The following DLGAP1 variants were observed in gnomAD, a reference collection of about 807,000 sequenced individuals.
DLGAP1 encodes DLG associated protein 1.
A neutral mutation model predicts 90.8 loss-of-function variants in DLGAP1; 11 were observed. The observed-to-expected ratio is 0.12, with a 90% CI of 0.08 to 0.20. The LOEUF (loss-of-function observed/expected upper bound fraction) is 0.20. Ranked by LOEUF, DLGAP1 falls within the 10% of genes least tolerant of loss-of-function variation. DLGAP1 has a pLI of 1.00. For missense variants in DLGAP1, 1,050 were observed against 1,333.8 expected (o/e 0.79, Z 3.31); for synonymous variants, 558 against 540.7 (o/e 1.03, Z -0.44).
Position 4,378,227 on chromosome 18 carries a change from G to A in DLGAP1, c.-267+76779C>T, listed in dbSNP as rs1017728421. On this transcript the variant is annotated intron_variant, in intron 1 of 12. Coordinates refer to ENST00000315677, the MANE Select transcript of DLGAP1 (RefSeq NM_004746.4). The surrounding 1 kb of genome is among the most constrained non-coding windows in gnomAD (Gnocchi z 4.5). ...CTGAATGGGGGAGGTGTGGAATGGG[G>A]AAGCCAGGAAAGAGGTAAGAATAAA... 4.0e-5 allele frequency among the ~76,000 whole-genome samples: 6 copies of A among 151,420 alleles called. No homozygotes were observed. The highest frequency in any genetic ancestry group is 1.3e-4 in the Admixed American group (2 of 15,180).
chr18:3,869,187 A>G (rs1475175073), intron 4 of DLGAP1, among the ~76,000 whole-genome samples: 1 of 151,714 alleles, frequency 6.6e-6, no homozygotes, highest in Non-Finnish European at 1.5e-5. Context: ...GAATACACTA[A>G]AGCTTGAAGA....
chr18:4,308,728 C>T (rs770182483), intron 1 of DLGAP1, among the ~76,000 whole-genome samples: 2 of 152,058 alleles, frequency 1.3e-5, no homozygotes, highest in East Asian at 1.9e-4. Context: ...GAAGAAAAAC[C>T]GGAACAACTT....
chr18:3,841,625 G>A (rs1233163225), intron 4 of DLGAP1, among the ~76,000 whole-genome samples: 3 of 152,122 alleles, frequency 2.0e-5, no homozygotes, highest in Non-Finnish European at 2.9e-5. Flanking sequence ...ATGACAACTT[G>A]AGCCTCAGTT....
chr18:3,695,758 A>C (rs1287104984), intron 7 of DLGAP1, among the ~76,000 whole-genome samples: 1 of 152,180 alleles, frequency 6.6e-6, no homozygotes, highest in Admixed American at 6.5e-5. Context: ...TGGTGGCTTG[A>C]TGGGGATAGC....
At chr18:3,992,213 A>T (rs952390667) in intron 3 of DLGAP1, among the ~76,000 whole-genome samples, 4 of 152,144 alleles carry the variant, frequency 2.6e-5, no homozygotes, top group Non-Finnish European at 5.9e-5. Context: ...GTTTGAAAAG[A>T]TTTCTTGTTT....
At chr18:3,977,763 T>C in intron 3 of DLGAP1, 1 of 360,744 alleles carries the variant, frequency 2.8e-6, no homozygotes, top group Non-Finnish European at 5.3e-6. Flanking sequence ...CCACCCCAGC[T>C]TTGAAGGTGG....
At chr18:4,198,064 A>G (rs2077534392) in intron 1 of DLGAP1, among the ~76,000 whole-genome samples, 1 of 152,074 alleles carries the variant, frequency 6.6e-6, no homozygotes, top group Non-Finnish European at 1.5e-5. Flanking sequence ...TACTAAAAAA[A>G]TACAAAAAAT....
Position 3,649,863 on chromosome 18 carries a change from T to G in DLGAP1, c.1592-67615A>C, listed in dbSNP as rs137946591. 3.3e-3 allele frequency among the ~76,000 whole-genome samples: 496 copies of G among 151,954 alleles called. 2 individuals carry two copies. The highest frequency in any genetic ancestry group is 6.9e-3 in the Middle Eastern group (2 of 290). Reference sequence around the variant, plus strand: ...GAGGTCAATGGTTGGTCATTTGAGGTCAACTTTATCTGAGGTGAGGGTAAT... The same window carrying G: ...GAGGTCAATGGTTGGTCATTTGAGGGCAACTTTATCTGAGGTGAGGGTAAT... On this transcript the variant is annotated intron_variant, in intron 7 of 12. Coordinates refer to ENST00000315677, the MANE Select transcript of DLGAP1 (RefSeq NM_004746.4).
intron 7 of DLGAP1, among the ~76,000 whole-genome samples, chr18:3,718,749 A>C (rs2050100103): frequency 6.6e-6 from 1 of 152,008 alleles, no homozygotes; most frequent in Non-Finnish European, 1.5e-5. Context: ...AACATGGTGA[A>C]ACCCTGTCTC....
Position 4,428,828 on chromosome 18 carries a change from T to G in DLGAP1, c.-267+26178A>C, listed in dbSNP as rs551246064. ...AAACTGACTAATACACTGCTTCTAT[T>G]TGTTTCAGTGGAGGGTGAAAGTGGG... On this transcript the variant is annotated intron_variant, in intron 1 of 12. Transcript: ENST00000315677. 2.6e-5 allele frequency among the ~76,000 whole-genome samples: 4 copies of G among 152,344 alleles called. No homozygotes were observed. The East Asian group carries it at 7.7e-4, about 29-fold the overall frequency.
intron 2 of DLGAP1, among the ~76,000 whole-genome samples, chr18:4,016,146 C>T (rs1213324405): frequency 1.3e-5 from 2 of 152,092 alleles, no homozygotes; most frequent in African/African-American, 2.4e-5. Context: ...ACTTCTTTTC[C>T]CTAGAGACAG....
At chr18:3,736,936 G>A (rs547504403) in intron 6 of DLGAP1, among the ~76,000 whole-genome samples, 182 of 149,928 alleles carry the variant, frequency 1.2e-3, no homozygotes, top group African/African-American at 4.4e-3. Flanking sequence ...TGATAAAGGG[G>A]ATATCACCAC....
At chr18:3,594,711 G>A (rs1237751015) in intron 7 of DLGAP1, among the ~76,000 whole-genome samples, 1 of 152,026 alleles carries the variant, frequency 6.6e-6, no homozygotes, top group Admixed American at 6.6e-5. Flanking sequence ...TGAGTTAAAC[G>A]GAGCAAGAGC....
intron 3 of DLGAP1, among the ~76,000 whole-genome samples, chr18:3,951,562 G>A (rs2072985152): frequency 6.6e-6 from 1 of 152,116 alleles, no homozygotes; most frequent in African/African-American, 2.4e-5. Context: ...AGAAACTCTG[G>A]TTTACAGAGA....
chr18:4,236,987 T>C (rs1230432197), intron 1 of DLGAP1, among the ~76,000 whole-genome samples: 1 of 152,206 alleles, frequency 6.6e-6, no homozygotes, highest in Non-Finnish European at 1.5e-5. Context: ...CCCCTGCTCC[T>C]TCTGGTTCAG....
chr18:4,448,452 A>T (rs114171425), intron 1 of DLGAP1, among the ~76,000 whole-genome samples: 1 of 152,180 alleles, frequency 6.6e-6, no homozygotes, highest in Non-Finnish European at 1.5e-5. Context: ...GACATCTATC[A>T]TCAAGATCCC....
At chr18:3,500,983 G>A (rs964869093) in intron 12 of DLGAP1, among the ~76,000 whole-genome samples, 3 of 151,876 alleles carry the variant, frequency 2.0e-5, no homozygotes, top group African/African-American at 7.3e-5. Context: ...GCGCAACCAC[G>A]GCTCACTGCA....
intron 5 of DLGAP1, among the ~76,000 whole-genome samples, chr18:3,784,625 C>T (rs2065359867): frequency 6.6e-6 from 1 of 152,178 alleles, no homozygotes. Flanking sequence ...CGGCTCTGCG[C>T]CCGCGATGCT....
At chr18:4,057,750 C>T (rs933540051) in intron 2 of DLGAP1, among the ~76,000 whole-genome samples, 3 of 152,218 alleles carry the variant, frequency 2.0e-5, no homozygotes, top group Admixed American at 2.0e-4. Flanking sequence ...ATGCTTCAGA[C>T]CTGTATGGAT....
Sources: allele counts gnomAD v4.1 joint callset (sites outside exome capture counted in the v4.1 genomes callset), GRCh38; gene constraint gnomAD v4.1.1; non-coding constraint Gnocchi (gnomAD v3.1); transcripts MANE v1.5; gene names NCBI Gene and HGNC (gene_info 2026-07-23, HGNC 2026-07-21).